XKR9: variants seen among roughly 807,000 people sequenced by gnomAD.
XKR9 encodes XK-related protein 9.
A neutral mutation model predicts 32.0 loss-of-function variants in XKR9; 32 were observed. That is an observed-to-expected ratio of 1.00 (90% CI 0.76 to 1.34). The LOEUF (loss-of-function observed/expected upper bound fraction) is 1.34. Among genes scored for constraint, XKR9 ranks in the 40% most tolerant of loss-of-function variants. The probability of loss-of-function intolerance (pLI) is 0.00; values close to 1 mark genes in which losing one functional copy is unlikely to be tolerated. For missense variants in XKR9, 546 were observed against 429.7 expected (o/e 1.27, Z -2.39); for synonymous variants, 168 against 143.4 (o/e 1.17, Z -1.22).
chr8:70,698,839 T>G (rs979358181), intron 3 of XKR9, among the ~76,000 whole-genome samples: 4 of 152,088 alleles, frequency 2.6e-5, no homozygotes, highest in African/African-American at 9.7e-5. Context: ...TGTAGGTCAC[T>G]CGGGACTTGC....
chr8:70,917,445 G>T, the XKR9 span, among the ~76,000 whole-genome samples: 1 of 151,818 alleles, frequency 6.6e-6, no homozygotes, highest in Non-Finnish European at 1.5e-5. Context: ...GCATATTAAT[G>T]GTTCCCAACT....
the XKR9 span, among the ~76,000 whole-genome samples, chr8:70,961,997 A>G: frequency 2.6e-5 from 4 of 152,274 alleles, no homozygotes; most frequent in Non-Finnish European, 5.9e-5. Context: ...TAAATATTAG[A>G]TTTATGAATT....
chr8:71,042,743 G>A, the XKR9 span, among the ~76,000 whole-genome samples: 1 of 152,092 alleles, frequency 6.6e-6, no homozygotes, highest in Non-Finnish European at 1.5e-5. Flanking sequence ...CACACTAAAA[G>A]TGACTGTATG....
intron 4 of XKR9, among the ~76,000 whole-genome samples, chr8:70,727,117 T>G (rs1806497132): frequency 6.6e-6 from 1 of 152,198 alleles, no homozygotes; most frequent in Non-Finnish European, 1.5e-5. Flanking sequence ...TTATGGTTTA[T>G]AGAAATGTCT....
At chr8:70,736,999 G>C (rs370456300), downstream of XKR9, among the ~76,000 whole-genome samples, 6 of 152,294 alleles carry the variant, frequency 3.9e-5, no homozygotes, top group East Asian at 7.7e-4. Flanking sequence ...TTCCAATTCT[G>C]TGAAGAAAGT....
chr8:70,977,290 C>T, the XKR9 span, among the ~76,000 whole-genome samples: 23 of 152,010 alleles, frequency 1.5e-4, no homozygotes, highest in African/African-American at 2.9e-4. Context: ...AGTTTTTGAA[C>T]GTGTTTGCTC....
chr8:70,996,883 A>C, the XKR9 span, among the ~76,000 whole-genome samples: 1 of 152,228 alleles, frequency 6.6e-6, no homozygotes, highest in Non-Finnish European at 1.5e-5. Context: ...CTGATCCTTG[A>C]AGACACAAAG....
intron 1 of XKR9, among the ~76,000 whole-genome samples, chr8:70,673,582 T>C (rs1319495228): frequency 1.3e-5 from 2 of 152,094 alleles, no homozygotes; most frequent in Non-Finnish European, 2.9e-5. Flanking sequence ...CTGACCAACA[T>C]GGTGAAACCC....
chr8:70,792,294 T>G (rs1488823218), downstream of XKR9, among the ~76,000 whole-genome samples: 2 of 152,094 alleles, frequency 1.3e-5, no homozygotes, highest in Non-Finnish European at 2.9e-5. Context: ...TGGTGGAATC[T>G]CAGACAATCA....
chr8:70,817,271 G>A, the XKR9 span, among the ~76,000 whole-genome samples: 2 of 152,142 alleles, frequency 1.3e-5, no homozygotes, highest in Non-Finnish European at 2.9e-5. Flanking sequence ...AATGACTTCA[G>A]TAAAGTTCCA....
chr8:70,740,339 C>G (rs1449062724), downstream of XKR9, among the ~76,000 whole-genome samples: 1 of 152,048 alleles, frequency 6.6e-6, no homozygotes, highest in East Asian at 1.9e-4. Flanking sequence ...AAGCACTTCT[C>G]TGTATTGGTT....
chr8:71,051,526 GGGGTGTGTGTGT>G, the XKR9 span, among the ~76,000 whole-genome samples: 2 of 105,236 alleles, frequency 1.9e-5, no homozygotes, highest in Non-Finnish European at 3.6e-5. Flanking sequence ...TGGTGGTGGT[GGGGTGTGTGTGT>G]GTGTGTGTGT....
chr8:70,873,735 A>G, the XKR9 span, among the ~76,000 whole-genome samples: 1 of 152,230 alleles, frequency 6.6e-6, no homozygotes, highest in Admixed American at 6.5e-5. Context: ...AATGAAAACA[A>G]AGGATTTCGA....
At chr8:70,915,437 T>C in the XKR9 span, among the ~76,000 whole-genome samples, 3 of 152,168 alleles carry the variant, frequency 2.0e-5, no homozygotes, top group Admixed American at 2.0e-4. Flanking sequence ...GCTAAGTCTA[T>C]GTCCAGGAAT....
the XKR9 span, among the ~76,000 whole-genome samples, chr8:70,848,407 A>T: frequency 3.3e-5 from 5 of 151,864 alleles, no homozygotes; most frequent in Non-Finnish European, 7.4e-5. Flanking sequence ...AGAAGACACC[A>T]CTTTCATTTA....
At chr8:70,739,962 T>G (rs372649906), downstream of XKR9, among the ~76,000 whole-genome samples, 181 of 152,260 alleles carry the variant, frequency 1.2e-3, no homozygotes, top group African/African-American at 4.2e-3. Flanking sequence ...TTGCTCTTCT[T>G]GAGGAGTATC....
At chr8:70,870,774 A>T in the XKR9 span, among the ~76,000 whole-genome samples, 356 of 152,326 alleles carry the variant, frequency 2.3e-3, no homozygotes, top group African/African-American at 8.2e-3. Context: ...CAGTCCTATG[A>T]AAAGATCAAA....
chr8:70,783,757 A>G (rs1047333392), intron 2 of XKR9, among the ~76,000 whole-genome samples: 36 of 152,230 alleles, frequency 2.4e-4, no homozygotes, highest in Middle Eastern at 6.8e-3. Flanking sequence ...TGTGCATTTG[A>G]GGTCAAATAC....
chr8:70,881,172 G>C, the XKR9 span, among the ~76,000 whole-genome samples: 1 of 151,704 alleles, frequency 6.6e-6, no homozygotes, highest in Non-Finnish European at 1.5e-5. Flanking sequence ...AACCCTTGAA[G>C]AGAACCTAGG....
Sources: allele counts gnomAD v4.1 joint callset (sites outside exome capture counted in the v4.1 genomes callset), GRCh38; gene constraint gnomAD v4.1.1; transcripts MANE v1.5; gene names NCBI Gene and HGNC (gene_info 2026-07-23, HGNC 2026-07-21).